ST3GAL1: variants seen among roughly 807,000 people sequenced by gnomAD.
ST3GAL1 encodes CMP-N-acetylneuraminate-beta-galactosamide-alpha-2,3-sialyltransferase 1.
A neutral mutation model predicts 34.1 loss-of-function variants in ST3GAL1; 16 were observed. The ratio of observed to expected loss-of-function variants is 0.47; its 90% CI spans 0.32 to 0.71. The LOEUF (loss-of-function observed/expected upper bound fraction) is 0.71. ST3GAL1 is among the 30% of genes least tolerant of loss of function. The probability of loss-of-function intolerance (pLI) is 0.04; values close to 1 mark genes in which losing one functional copy is unlikely to be tolerated. For synonymous variants in ST3GAL1, 191 were observed against 184.7 expected (o/e 1.03, Z -0.28); for missense variants, 353 against 447.4 (o/e 0.79, Z 1.90).
Position 133,467,637 on chromosome 8 carries a change from A to C in ST3GAL1, c.307-1547T>G, listed in dbSNP as rs1215024241. ...CCCTGGATTTTGGGGTAGGGGTGATAAGCTGTGGGGTGATTCCCATCGGCT... is the reference window on the plus strand; with the variant it reads ...CCCTGGATTTTGGGGTAGGGGTGATCAGCTGTGGGGTGATTCCCATCGGCT... On this transcript the variant is annotated intron_variant, in intron 5 of 9. Coordinates refer to ENST00000522652, the MANE Select transcript of ST3GAL1 (RefSeq NM_173344.3). This position sits in a 1 kb window ranked among gnomAD's most constrained non-coding sequence, Gnocchi z 4.2. Among the ~76,000 whole-genome samples the C allele has an allele frequency of 6.6e-6, 1 of 152,084 alleles. No homozygotes were observed. Among genetic ancestry groups the C allele is most frequent in the Non-Finnish European group, 1.5e-5 (1 of 67,996 alleles).
intron 3 of ST3GAL1, among the ~76,000 whole-genome samples, chr8:133,484,081 T>C (rs1256393021): frequency 6.6e-6 from 1 of 152,202 alleles, no homozygotes; most frequent in African/African-American, 2.4e-5. Context: ...TTTTATAGTT[T>C]GCCAAAACAG....
chr8:133,534,750 G>A (rs1818260153), intron 2 of ST3GAL1, among the ~76,000 whole-genome samples: 2 of 152,194 alleles, frequency 1.3e-5, no homozygotes, highest in Admixed American at 1.3e-4. Context: ...AGCAAGGCCA[G>A]CTAGCCAGAT....
intron 4 of ST3GAL1, 71 bp from the exon 5 acceptor site, chr8:133,476,145 C>T: frequency 1.7e-6 from 2 of 1,145,970 alleles, no homozygotes; most frequent in Non-Finnish European, 2.4e-6. Context: ...GCAGGAATTC[C>T]AAGGGAGGAC....
At position 133,476,358 on chromosome 8, in the gene ST3GAL1, A is replaced by C; in HGVS notation, c.-131T>G. ...TCTCTCGATCAAGCTTTAACCAGTG[A>C]TTTCCTTTCACATCCAAAGAAGATA... On this transcript the variant is annotated 5_prime_UTR_variant, in exon 4 of 10. Coordinates refer to ENST00000522652, the MANE Select transcript of ST3GAL1 (RefSeq NM_173344.3). 9.7e-6 allele frequency: 2 copies of C among 206,622 alleles called. No homozygotes were observed. Among genetic ancestry groups the C allele is most frequent in the Admixed American group, 5.3e-5 (1 of 19,004 alleles). 12.8% of individuals were successfully genotyped at this position (206,622 alleles called of 1,614,324 possible).
intron 2 of ST3GAL1, among the ~76,000 whole-genome samples, chr8:133,512,439 T>A (rs780620766): frequency 6.6e-6 from 1 of 152,252 alleles, no homozygotes; most frequent in African/African-American, 2.4e-5. Flanking sequence ...CCCATTCAGA[T>A]TGAGGGTGGG....
At chr8:133,566,418 T>C (rs1052295284) in intron 1 of ST3GAL1, among the ~76,000 whole-genome samples, 6 of 152,212 alleles carry the variant, frequency 3.9e-5, no homozygotes, top group African/African-American at 1.4e-4. Context: ...ATGCGATCAC[T>C]TTCTCTTATA....
rs546636508 is a variant in ST3GAL1, at chr8:133,551,235, C to T, written c.-581-5309G>A. ...CTGTAATCCCAACACTTTGGGAGAC[C>T]GAGGCAGGTGGATCACGAGGTCAAG... On this transcript the variant is annotated intron_variant, in intron 1 of 9. Coordinates refer to ENST00000522652, the MANE Select transcript of ST3GAL1 (RefSeq NM_173344.3). Among the ~76,000 whole-genome samples the T allele has an allele frequency of 4.5e-3, 692 of 152,092 alleles. 4 individuals are homozygous for T. Among genetic ancestry groups the T allele is most frequent in the Non-Finnish European group, 8.4e-3 (571 of 67,992 alleles).
chr8:133,499,888 G>C (rs1434559520), intron 2 of ST3GAL1, among the ~76,000 whole-genome samples: 3 of 152,148 alleles, frequency 2.0e-5, no homozygotes, highest in Non-Finnish European at 4.4e-5. Context: ...CAACAGGGCT[G>C]GGGGCAGGTC....
intron 5 of ST3GAL1, among the ~76,000 whole-genome samples, chr8:133,473,757 G>A (rs1816054423): frequency 6.6e-6 from 1 of 152,208 alleles, no homozygotes; most frequent in African/African-American, 2.4e-5. Flanking sequence ...TCGCAACTGG[G>A]GATGGGGCAC....
At chr8:133,529,708 C>G (rs1009750256) in intron 2 of ST3GAL1, among the ~76,000 whole-genome samples, 1 of 152,132 alleles carries the variant, frequency 6.6e-6, no homozygotes, top group Non-Finnish European at 1.5e-5. Flanking sequence ...CTGGCCACCC[C>G]CTTCTCATCT....
rs1270030477 is a variant in ST3GAL1, at chr8:133,469,280, G to C, written c.307-3190C>G. Among the ~76,000 whole-genome samples, 1 of 152,174 alleles carries C rather than the reference G, an allele frequency of 6.6e-6. No homozygotes were observed. The highest frequency in any genetic ancestry group is 1.5e-5 in the Non-Finnish European group (1 of 68,042). On this transcript the variant is annotated intron_variant, in intron 5 of 9. Transcript: ENST00000522652. This position sits in a 1 kb window ranked among gnomAD's most constrained non-coding sequence, Gnocchi z 4.3. ...ATCGCCCAGGCTGGAATGCAGTGGT[G>C]CGATCTCGGCTCACTGCAACCTCTA...
intron 2 of ST3GAL1, among the ~76,000 whole-genome samples, chr8:133,500,565 C>T (rs190304312): frequency 2.6e-5 from 4 of 152,220 alleles, no homozygotes; most frequent in East Asian, 1.9e-4. Flanking sequence ...GGCTATGAAG[C>T]GAGACAGCCT....
intron 1 of ST3GAL1, among the ~76,000 whole-genome samples, chr8:133,551,512 C>CAGAA (rs1162719099): frequency 1.1e-4 from 12 of 113,752 alleles, no homozygotes; most frequent in Admixed American, 9.6e-4. Flanking sequence ...GACAGAAAGA[C>CAGAA]AGAAAGAAAG....
At chr8:133,566,411 C>T (rs533200778) in intron 1 of ST3GAL1, among the ~76,000 whole-genome samples, 14 of 152,268 alleles carry the variant, frequency 9.2e-5, no homozygotes, top group East Asian at 1.9e-4. Flanking sequence ...TTGAGGAATG[C>T]GATCACTTTC....
chr8:133,463,594 AC>A, intron 7 of ST3GAL1, 135 bp from the exon 8 acceptor site: 1 of 907,922 alleles, frequency 1.1e-6, no homozygotes, highest in Admixed American at 2.1e-5. Context: ...TCCCTCAGGG[AC>A]CCCCACCTCC....
At chr8:133,561,956 A>G (rs2131108981) in intron 1 of ST3GAL1, among the ~76,000 whole-genome samples, 1 of 152,144 alleles carries the variant, frequency 6.6e-6, no homozygotes, top group Non-Finnish European at 1.5e-5. Context: ...GTGATCCACA[A>G]TGGCGTATAC....
chr8:133,531,425 G>A (rs370197346), intron 2 of ST3GAL1, among the ~76,000 whole-genome samples: 1 of 152,016 alleles, frequency 6.6e-6, no homozygotes, highest in East Asian at 1.9e-4. Context: ...ATTAACTAAT[G>A]TAACTCTTAC....
intron 1 of ST3GAL1, among the ~76,000 whole-genome samples, chr8:133,550,829 A>G: frequency 6.6e-6 from 1 of 152,160 alleles, no homozygotes; most frequent in East Asian, 1.9e-4. Context: ...CAGCCCCCTC[A>G]TGCCACCTGA....
rs1443360653 is a variant in ST3GAL1 at position 133,459,031 on chromosome 8, G to A, written c.*733C>T. On this transcript the variant is annotated 3_prime_UTR_variant, in exon 10 of 10. Transcript: ENST00000522652. The surrounding 1 kb of genome is among the most constrained non-coding windows in gnomAD (Gnocchi z 4.7). The stretch of plus-strand genomic sequence containing the variant: ...CTCCCTAGTAGCTGGGGCTACAAGT[G>A]TGTGCCACCGTGCCTGGCTAATTTT... 2.0e-5 allele frequency: 3 copies of A among 151,996 alleles called. No homozygotes were observed. The highest frequency in any genetic ancestry group is 7.3e-5 in the African/African-American group (3 of 41,340). The allele number at this position is 151,996 out of a possible 1,614,324, so 9.4% of individuals were successfully genotyped here.
Sources: allele counts gnomAD v4.1 joint callset (sites outside exome capture counted in the v4.1 genomes callset), GRCh38; gene constraint gnomAD v4.1.1; non-coding constraint Gnocchi (gnomAD v3.1); transcripts MANE v1.5; gene names NCBI Gene and HGNC (gene_info 2026-07-23, HGNC 2026-07-21).